NCAM2: variants seen among roughly 807,000 people sequenced by gnomAD.
NCAM2 encodes the protein neural cell adhesion molecule 2.
In NCAM2, 30 loss-of-function variants were observed where a neutral mutation model predicts 98.1. That is an observed-to-expected ratio of 0.31 (90% CI 0.23 to 0.41). The LOEUF (loss-of-function observed/expected upper bound fraction) is 0.41. NCAM2 is among the 10% of genes least tolerant of loss of function. The probability of loss-of-function intolerance (pLI) is 1.00; values close to 1 mark genes in which losing one functional copy is unlikely to be tolerated. For synonymous variants in NCAM2, 368 were observed against 342.4 expected (o/e 1.07, Z -0.83); for missense variants, 867 against 1,005.8 (o/e 0.86, Z 1.87).
chr21:21,348,716 T>C (rs929444845), intron 8 of NCAM2, among the ~76,000 whole-genome samples: 3 of 152,032 alleles, frequency 2.0e-5, no homozygotes, highest in African/African-American at 7.2e-5. Context: ...CAAAACATCA[T>C]GATACTGGTG....
intron 15 of NCAM2, among the ~76,000 whole-genome samples, chr21:21,481,093 C>T (rs1052805185): frequency 6.6e-6 from 1 of 152,260 alleles, no homozygotes; most frequent in Non-Finnish European, 1.5e-5. Flanking sequence ...AGGGTAAACC[C>T]GTCTAAGCAA....
chr21:21,305,460 C>G (rs1362554991), intron 5 of NCAM2, among the ~76,000 whole-genome samples: 1 of 152,094 alleles, frequency 6.6e-6, no homozygotes, highest in South Asian at 2.1e-4. Flanking sequence ...AGAAATGATA[C>G]AATTGAACAC....
intron 1 of NCAM2, among the ~76,000 whole-genome samples, chr21:21,114,707 A>G (rs928202319): frequency 2.0e-5 from 3 of 152,236 alleles, no homozygotes; most frequent in African/African-American, 7.2e-5. Context: ...GAACAGAATA[A>G]CAGACCAAAC....
intron 4 of NCAM2, among the ~76,000 whole-genome samples, chr21:21,291,009 C>CA (rs5842908): frequency 1 from 151,849 of 151,850 alleles, 75,924 homozygotes; most frequent in Non-Finnish European, 1. Flanking sequence ...ATAATCAAGC[C>CA]ACAGATAGGG....
At position 21,043,100 on chromosome 21, in the gene NCAM2, G is replaced by A. The variant is rs74797969; in HGVS notation, c.55+44482G>A. Reference sequence around the variant, plus strand: ...ACAAGTGCAAATTTTATCTGGTTAAGCATTTACATATCAAGCCACTATAAG... The same window carrying A: ...ACAAGTGCAAATTTTATCTGGTTAAACATTTACATATCAAGCCACTATAAG... On this transcript the variant is annotated intron_variant, in intron 1 of 17. Transcript: ENST00000400546. 9.6e-3 allele frequency among the ~76,000 whole-genome samples: 1,467 copies of A among 152,204 alleles called. 19 individuals carry two copies. Among genetic ancestry groups the A allele is most frequent in the African/African-American group, 0.034 (1,396 of 41,528 alleles).
chr21:21,423,585 A>AT lies in NCAM2; in HGVS notation c.1480+5023dup, dbSNP rs562461632. Among the ~76,000 whole-genome samples, 81 of 152,064 alleles carry AT rather than the reference A, an allele frequency of 5.3e-4. 2 individuals are homozygous for AT. In the East Asian group the frequency reaches 0.011, roughly 21 times the overall value. On this transcript the variant is annotated intron_variant, in intron 11 of 17. Transcript: ENST00000400546. ...ATGTTAAATTCATTTGACTTTTGTT[A>AT]TTTTTTTCCATTTAGGAGCTTGTAC... is the stretch of plus-strand genomic sequence containing the variant.
intron 1 of NCAM2, among the ~76,000 whole-genome samples, chr21:21,052,629 A>G (rs2065133879): frequency 6.6e-6 from 1 of 152,094 alleles, no homozygotes; most frequent in Non-Finnish European, 1.5e-5. Flanking sequence ...GATTTCTTGG[A>G]ATGAATTCTT....
At chr21:21,534,699 G>A in intron 17 of NCAM2, 43 bp downstream of exon 17, 1 of 1,455,428 alleles carries the variant, frequency 6.9e-7, no homozygotes, top group Non-Finnish European at 9.2e-7. Context: ...ATGGGTATTG[G>A]CAAAATGATA....
intron 16 of NCAM2, among the ~76,000 whole-genome samples, chr21:21,528,291 T>C (rs1989438261): frequency 1.3e-5 from 2 of 152,122 alleles, no homozygotes; most frequent in African/African-American, 4.8e-5. Context: ...ATGATAAACA[T>C]TTTCAAACAC....
At chr21:21,483,884 T>A (rs1986115334) in intron 15 of NCAM2, among the ~76,000 whole-genome samples, 1 of 152,168 alleles carries the variant, frequency 6.6e-6, no homozygotes, top group South Asian at 2.1e-4. Context: ...TCTATGCTTA[T>A]TGCAAATTTT....
chr21:21,143,798 T>C (rs7282118), intron 1 of NCAM2, among the ~76,000 whole-genome samples: 134,467 of 138,644 alleles, frequency 0.97, 65,326 homozygotes, highest in East Asian at 1. Flanking sequence ...ATTTTTTTTT[T>C]AGGAAGTTTT....
chr21:21,344,713 G>T (rs1320645034), intron 8 of NCAM2, among the ~76,000 whole-genome samples: 1 of 152,166 alleles, frequency 6.6e-6, no homozygotes, highest in Non-Finnish European at 1.5e-5. Flanking sequence ...TTGCTTCCCT[G>T]AAGGGAAGGA....
At chr21:21,245,930 T>C (rs1158704532) in intron 1 of NCAM2, among the ~76,000 whole-genome samples, 4 of 152,296 alleles carry the variant, frequency 2.6e-5, no homozygotes, top group Middle Eastern at 3.4e-3. Context: ...ACAGTAGATA[T>C]GGTTTTAAAA....
chr21:21,305,687 A>G (rs1243759346), intron 5 of NCAM2, among the ~76,000 whole-genome samples: 1 of 152,090 alleles, frequency 6.6e-6, no homozygotes, highest in African/African-American at 2.4e-5. Flanking sequence ...GATCTCTCAA[A>G]GAAACAGCTT....
intron 1 of NCAM2, among the ~76,000 whole-genome samples, chr21:21,135,335 C>G (rs1410418402): frequency 2.0e-5 from 3 of 151,812 alleles, no homozygotes; most frequent in South Asian, 2.1e-4. Flanking sequence ...GCCACCATAC[C>G]TTGCCAGTTG....
At chr21:21,100,051 G>A (rs188662956) in intron 1 of NCAM2, among the ~76,000 whole-genome samples, 1 of 151,840 alleles carries the variant, frequency 6.6e-6, no homozygotes, top group Admixed American at 6.6e-5. Flanking sequence ...CCATGGTTTT[G>A]CTTCAGGAAA....
chr21:21,000,903 G>A (rs1336718079), intron 1 of NCAM2, among the ~76,000 whole-genome samples: 5 of 152,112 alleles, frequency 3.3e-5, no homozygotes, highest in Non-Finnish European at 7.4e-5. Context: ...TAAAAAAACA[G>A]ACCTAGTGTA....
At chr21:21,489,215 G>T (rs905685321) in intron 15 of NCAM2, among the ~76,000 whole-genome samples, 5 of 152,036 alleles carry the variant, frequency 3.3e-5, no homozygotes, top group Non-Finnish European at 2.9e-5. Flanking sequence ...GGCTGGTCTC[G>T]AACTCCTGAA....
At chr21:21,512,493 T>C (rs1331865924) in intron 16 of NCAM2, among the ~76,000 whole-genome samples, 1 of 152,062 alleles carries the variant, frequency 6.6e-6, no homozygotes, top group East Asian at 1.9e-4. Context: ...TATTATACCT[T>C]TGTAGTATAA....
Sources: allele counts gnomAD v4.1 joint callset (sites outside exome capture counted in the v4.1 genomes callset), GRCh38; gene constraint gnomAD v4.1.1; transcripts MANE v1.5; gene names NCBI Gene and HGNC (gene_info 2026-07-23, HGNC 2026-07-21).